UNC80: variants seen among roughly 807,000 people sequenced by gnomAD.
UNC80 encodes the protein unc-80 subunit of NALCN channel complex, also known as protein unc-80 homolog.
A neutral mutation model predicts 384.6 loss-of-function variants in UNC80; 164 were observed. That is an observed-to-expected ratio of 0.43 (90% confidence interval 0.38 to 0.49). The LOEUF (loss-of-function observed/expected upper bound fraction) is 0.49, where lower values mean the gene tolerates loss of function less well. Among genes scored for constraint, UNC80 ranks in the 20% least tolerant of loss-of-function variants. The pLI is 0.00. For synonymous variants in UNC80, 1,486 were observed against 1,527.8 expected (o/e 0.97, Z 0.64); for missense variants, 3,330 against 4,143.0 (o/e 0.80, Z 5.39).
At chr2:209,813,915 C>T in intron 8 of UNC80, 74 bp downstream of exon 8, 2 of 1,503,826 alleles carry the variant, frequency 1.3e-6, no homozygotes, top group African/African-American at 2.8e-5. Flanking sequence ...CTCTGTGCAT[C>T]CAGCTCTTAG....
intron 31 of UNC80, among the ~76,000 whole-genome samples, chr2:209,916,814 C>T (rs539532502): frequency 2.6e-5 from 4 of 152,306 alleles, no homozygotes; most frequent in African/African-American, 9.6e-5. Context: ...ACTACATTGC[C>T]TCTATTTTTA....
chr2:209,944,872 T>C (rs531441773), intron 45 of UNC80, among the ~76,000 whole-genome samples, 179 bp from the exon 46 acceptor site: 19 of 152,288 alleles, frequency 1.2e-4, no homozygotes, highest in African/African-American at 4.6e-4. Context: ...CCCTTAAAAG[T>C]CAGGTGTACC....
Position 209,989,773 on chromosome 2 carries a change from C to T in UNC80, c.9315-2393C>T, listed in dbSNP as rs919898538. Among the ~76,000 whole-genome samples, 6 of 152,122 alleles carry T rather than the reference C, an allele frequency of 3.9e-5. No individual in the cohort carries two copies. The East Asian group carries it at 1.2e-3, about 29-fold the overall frequency. On this transcript the variant is annotated intron_variant, in intron 61 of 64. Coordinates refer to ENST00000673920, the MANE Select transcript of UNC80 (RefSeq NM_001371986.1). Reference sequence around the variant, plus strand: ...TTACATGATGTGGAGAGAAGCTAAACTGAAACTTTTTATATGCAACTTCAA... The same window carrying T: ...TTACATGATGTGGAGAGAAGCTAAATTGAAACTTTTTATATGCAACTTCAA...
At chr2:209,898,117 A>G (rs2086988788) in intron 28 of UNC80, among the ~76,000 whole-genome samples, 1 of 152,032 alleles carries the variant, frequency 6.6e-6, no homozygotes, top group Non-Finnish European at 1.5e-5. Context: ...TTCTTTTTTA[A>G]ATAGTGTCTT....
intron 13 of UNC80, among the ~76,000 whole-genome samples, chr2:209,823,717 T>C (rs991837150): frequency 6.6e-6 from 1 of 151,948 alleles, no homozygotes; most frequent in East Asian, 1.9e-4. Context: ...TTTCTATTAT[T>C]ATATGCCTTT....
intron 47 of UNC80, among the ~76,000 whole-genome samples, chr2:209,953,698 T>C (rs1469609410): frequency 1.3e-5 from 2 of 152,112 alleles, no homozygotes; most frequent in African/African-American, 4.8e-5. Context: ...CATGAAAGGG[T>C]TTTATGTTGT....
At chr2:209,989,062 C>T (rs1460549768) in intron 61 of UNC80, among the ~76,000 whole-genome samples, 3 of 151,714 alleles carry the variant, frequency 2.0e-5, no homozygotes, top group Admixed American at 1.3e-4. Flanking sequence ...CCTGTAATTC[C>T]ACCACTTTGG....
chr2:209,858,715 A>T (rs2083126475), intron 22 of UNC80, among the ~76,000 whole-genome samples: 1 of 151,998 alleles, frequency 6.6e-6, no homozygotes, highest in Non-Finnish European at 1.5e-5. Flanking sequence ...AAAGAAAGAA[A>T]AAAAGAAAAA....
rs188667729 is a variant in UNC80, at chr2:209,819,209, A to G, written c.1910A>G (p.His637Arg). 209 of 1,551,912 alleles carry G rather than the reference A, an allele frequency of 1.3e-4. 2 individuals carry two copies. The East Asian group carries it at 5.0e-3, about 37-fold the overall frequency. The change falls in exon 12 of 65, where the codon CAT becomes CGT. Residue 637 changes from histidine (H) to arginine (R), a missense_variant. His to Arg is a conservative substitution (Grantham distance 29). Transcript: ENST00000673920. The part of the protein sequence containing the change: ...INYSYLEDTE[H>R]IDGTNNFVHK... ...TACAGCTACCTAGAGGACACAGAAC[A>G]TATTGACGGGACCAATAACTTTGTC... is the stretch of plus-strand genomic sequence containing the variant.
At chr2:209,926,490 A>C (rs548742472) in intron 35 of UNC80, among the ~76,000 whole-genome samples, 4 of 152,304 alleles carry the variant, frequency 2.6e-5, no homozygotes, top group African/African-American at 9.6e-5. Context: ...AAATTATATT[A>C]CTGAGGCCAG....
intron 13 of UNC80, among the ~76,000 whole-genome samples, chr2:209,821,333 T>C (rs866687647): frequency 6.6e-6 from 1 of 152,154 alleles, no homozygotes; most frequent in African/African-American, 2.4e-5. Flanking sequence ...TAACCCTAAT[T>C]ACCTCCCAAA....
chr2:209,831,657 C>G, intron 16 of UNC80, 66 bp downstream of exon 16: 1 of 1,394,728 alleles, frequency 7.2e-7, no homozygotes, highest in Non-Finnish European at 9.4e-7. Context: ...TACTCATTGT[C>G]GTGGCCATGA....
chr2:209,850,335 C>T (rs1379394562), intron 22 of UNC80, among the ~76,000 whole-genome samples: 4 of 151,828 alleles, frequency 2.6e-5, no homozygotes, highest in Non-Finnish European at 5.9e-5. Flanking sequence ...GTACAAAATA[C>T]CAAGTAAACA....
At chr2:209,906,282 A>G (rs2088199917) in intron 29 of UNC80, among the ~76,000 whole-genome samples, 1 of 152,220 alleles carries the variant, frequency 6.6e-6, no homozygotes, top group Admixed American at 6.5e-5. Flanking sequence ...TGAAAGCAAT[A>G]CATGTTCATT....
At position 209,898,481 on chromosome 2, in the gene UNC80, T is replaced by G. The variant is rs950119686; in HGVS notation, c.4581+2068T>G. 6.7e-4 allele frequency among the ~76,000 whole-genome samples: 102 copies of G among 152,242 alleles called. 1 individual carries two copies. The highest frequency in any genetic ancestry group is 2.2e-3 in the African/African-American group (90 of 41,558). ...TTGATCACAGATTTTTTAAAAAAAATTATTTTTAATTTTTGGGGGTACATA... is the reference window on the plus strand; with the variant it reads ...TTGATCACAGATTTTTTAAAAAAAAGTATTTTTAATTTTTGGGGGTACATA... On this transcript the variant is annotated intron_variant, in intron 28 of 64. Transcript: ENST00000673920.
chr2:209,839,976 G>C lies in UNC80; in HGVS notation c.3250+546G>C, dbSNP rs1195038842. ...GGGAAGTGAAGGAACTGAAACAAGG[G>C]GACAAGTGGCGGTATGACTATAGTA... On this transcript the variant is annotated intron_variant, in intron 19 of 64. Coordinates refer to ENST00000673920, the MANE Select transcript of UNC80 (RefSeq NM_001371986.1). The surrounding 1 kb of genome is among the most constrained non-coding windows in gnomAD (Gnocchi z 4.1). 6.6e-6 allele frequency among the ~76,000 whole-genome samples: 1 copy of C among 152,074 alleles called. No individual in the cohort carries two copies. The highest frequency in any genetic ancestry group is 1.9e-4 in the East Asian group (1 of 5,190).
intron 7 of UNC80, chr2:209,808,742 C>T (rs903388937): frequency 8.4e-6 from 2 of 238,858 alleles, no homozygotes; most frequent in East Asian, 1.5e-4. Context: ...AAGGCTCGGC[C>T]TAGTGAGTGG....
chr2:209,959,476 C>T lies in UNC80; in HGVS notation c.7587-13C>T, dbSNP rs2092522653. 5.8e-6 allele frequency: 9 copies of T among 1,550,674 alleles called. No individual in the cohort carries two copies. In the East Asian group the frequency reaches 2.2e-4, roughly 38 times the overall value. Reference sequence around the variant, plus strand: ...ATTTTCAGACCCCTAGTTAATCTTTCACAATTTCCCAGGGAAAACCTTCAT... The same window carrying T: ...ATTTTCAGACCCCTAGTTAATCTTTTACAATTTCCCAGGGAAAACCTTCAT... On this transcript the variant is annotated splice_polypyrimidine_tract_variant and intron_variant, in intron 50 of 64. Coordinates refer to ENST00000673920, the MANE Select transcript of UNC80 (RefSeq NM_001371986.1).
At chr2:209,931,364 A>ACACAC (rs2090852580) in intron 38 of UNC80, among the ~76,000 whole-genome samples, 1 of 125,474 alleles carries the variant, frequency 8.0e-6, no homozygotes, top group African/African-American at 3.0e-5. Flanking sequence ...TCTATGTTTA[A>ACACAC]ACACACACAC....
Sources: gnomAD v4.1 joint callset for allele counts (sites outside exome capture counted in the v4.1 genomes callset) on GRCh38, gnomAD v4.1.1 for gene constraint, Gnocchi (gnomAD v3.1) non-coding constraint, MANE v1.5 for transcripts, NCBI Gene and HGNC (gene_info 2026-07-23, HGNC 2026-07-21) for gene names.